RYR3: variants seen among roughly 807,000 people sequenced by gnomAD.
RYR3 encodes the protein brain ryanodine receptor-calcium release channel.
RYR3 carries 207 observed loss-of-function variants against 584.3 expected under a neutral mutation model. The observed-to-expected ratio is 0.35, with a 90% CI of 0.32 to 0.40. RYR3 has a LOEUF of 0.40. RYR3 is among the 10% of genes least tolerant of loss of function. The pLI, the probability that RYR3 is intolerant of heterozygous loss-of-function variation, is 1.00. For synonymous variants in RYR3, 2,416 were observed against 2,248.5 expected, an observed-to-expected ratio of 1.07 and a Z score of -2.11; for missense variants, 5,616 against 6,089.2, an observed-to-expected ratio of 0.92 and a Z score of 2.59.
chr15:33,842,008 G>A lies in RYR3; in HGVS notation c.13182G>A (p.Gly4394=). 1 of 1,602,714 alleles carries A rather than the reference G, an allele frequency of 6.2e-7. No individual in the cohort carries two copies. Among genetic ancestry groups the A allele is most frequent in the African/African-American group, 1.3e-5 (1 of 74,888 alleles). Residue 4394 remains glycine (G), a synonymous_variant, in exon 91 of 104, where the codon GGG becomes GGA. Transcript: ENST00000634891. ...CTTTCACAGCCAATTTCTTTAAAGG[G>A]CTGGAAATCTATCAGACCAAGTTAC... is the stretch of plus-strand genomic sequence containing the variant. ...PEAFTANFFK[G]LEIYQTKLLH...
intron 36 of RYR3, among the ~76,000 whole-genome samples, chr15:33,664,155 G>A (rs2063328719): frequency 2.0e-5 from 3 of 152,126 alleles, no homozygotes; most frequent in Admixed American, 2.0e-4. Flanking sequence ...ATGAGAGTTG[G>A]CACACAGTCT....
chr15:33,646,322 G>A lies in RYR3; in HGVS notation c.3766-29G>A, dbSNP rs371226188. On this transcript the variant is annotated intron_variant, in intron 28 of 103. Transcript: ENST00000634891. The stretch of plus-strand genomic sequence containing the variant: ...GGGTCAAGGTCAGGCCCTTTGGTAT[G>A]TCAAGGTAAGGACTCGTCCTGTTTC... 3.8e-6 allele frequency: 6 copies of A among 1,564,698 alleles called. No homozygotes were observed. In the African/African-American group the frequency reaches 4.1e-5, roughly 11 times the overall value.
chr15:33,338,607 G>A (rs1158839685), intron 1 of RYR3, among the ~76,000 whole-genome samples: 1 of 152,146 alleles, frequency 6.6e-6, no homozygotes, highest in Non-Finnish European at 1.5e-5. Context: ...ATATGGGGGA[G>A]GCATGTAGCT....
chr15:33,339,543 CAA>C, intron 1 of RYR3, among the ~76,000 whole-genome samples: 1 of 152,200 alleles, frequency 6.6e-6, no homozygotes, highest in East Asian at 1.9e-4. Context: ...CACAAAAAGC[CAA>C]AGATAGCCTC....
At chr15:33,314,432 G>A (rs1353796491) in intron 1 of RYR3, among the ~76,000 whole-genome samples, 1 of 152,206 alleles carries the variant, frequency 6.6e-6, no homozygotes, top group Non-Finnish European at 1.5e-5. Context: ...GACAGTCGGT[G>A]GAGCAGCTGG....
chr15:33,744,841 C>G (rs1203659147), intron 52 of RYR3, among the ~76,000 whole-genome samples: 1 of 152,146 alleles, frequency 6.6e-6, no homozygotes, highest in African/African-American at 2.4e-5. Flanking sequence ...TTTAGGTTTA[C>G]AGGTCATTTG....
chr15:33,579,987 G>C lies in RYR3; in HGVS notation c.1280G>C (p.Arg427Pro), dbSNP rs765542021. 6.2e-7 allele frequency: 1 copy of C among 1,607,916 alleles called. No homozygotes were observed. The highest frequency in any genetic ancestry group is 2.2e-5 in the East Asian group (1 of 44,636). ...LFSQFVSGNN[R>P]TAAPITLPIE... The stretch of plus-strand genomic sequence containing the variant: ...CTCATGGTTTTTAGCGGAAACAATC[G>C]CACAGCTGCCCCCATCACCCTGCCT... Residue 427 changes from arginine to proline, a missense_variant, in exon 13 of 104, where the codon CGC becomes CCC. Arg to Pro is a moderately radical substitution (Grantham distance 103, BLOSUM62 -2). Coordinates refer to ENST00000634891, the MANE Select transcript of RYR3 (RefSeq NM_001036.6).
At chr15:33,561,475 T>G (rs2057395202) in intron 10 of RYR3, among the ~76,000 whole-genome samples, 1 of 152,176 alleles carries the variant, frequency 6.6e-6, no homozygotes, top group South Asian at 2.1e-4. Flanking sequence ...TTTACCTCCT[T>G]CATTTTCTCC....
chr15:33,686,803 A>G (rs1279436323), intron 38 of RYR3, among the ~76,000 whole-genome samples: 1 of 152,252 alleles, frequency 6.6e-6, no homozygotes, highest in Non-Finnish European at 1.5e-5. Flanking sequence ...TCACATAAAC[A>G]GAACCAAAGA....
At chr15:33,726,068 A>C (rs527751632) in intron 45 of RYR3, among the ~76,000 whole-genome samples, 28 of 150,440 alleles carry the variant, frequency 1.9e-4, no homozygotes, top group African/African-American at 6.1e-4. Flanking sequence ...CACTTCCGGC[A>C]GTGCAGTCAC....
At chr15:33,486,558 C>T (rs943634257) in intron 2 of RYR3, among the ~76,000 whole-genome samples, 4 of 152,052 alleles carry the variant, frequency 2.6e-5, no homozygotes, top group Admixed American at 6.6e-5. Context: ...GACACAAAAC[C>T]ATATATCAGT....
At position 33,776,989 on chromosome 15, in the gene RYR3, G is replaced by C. The variant is rs1015162101; in HGVS notation, c.9138-3222G>C. Among the ~76,000 whole-genome samples, 4 of 152,324 alleles carry C rather than the reference G, an allele frequency of 2.6e-5. No homozygotes were observed. The South Asian group carries it at 6.2e-4, about 24-fold the overall frequency. Reference sequence around the variant, plus strand: ...TATGAGGCAGTGAGAACCGAGACCAGACGAGCCTGGGCAACCTGGCAAGAC... The same window carrying C: ...TATGAGGCAGTGAGAACCGAGACCACACGAGCCTGGGCAACCTGGCAAGAC... On this transcript the variant is annotated intron_variant, in intron 64 of 103. Coordinates refer to ENST00000634891, the MANE Select transcript of RYR3 (RefSeq NM_001036.6).
chr15:33,687,150 T>C (rs1596156261), intron 38 of RYR3, among the ~76,000 whole-genome samples: 1 of 152,328 alleles, frequency 6.6e-6, no homozygotes, highest in East Asian at 1.9e-4. Flanking sequence ...AATGACATGA[T>C]TGTATATTTA....
chr15:33,598,342 G>A (rs2059488669), intron 16 of RYR3, among the ~76,000 whole-genome samples: 1 of 151,308 alleles, frequency 6.6e-6, no homozygotes, highest in Admixed American at 6.6e-5. Flanking sequence ...ACACTTGGAT[G>A]TTAGCCTTTT....
At chr15:33,842,890 G>A (rs2078462968) in intron 91 of RYR3, among the ~76,000 whole-genome samples, 1 of 152,144 alleles carries the variant, frequency 6.6e-6, no homozygotes, top group South Asian at 2.1e-4. Context: ...TGCTGGTGGC[G>A]TGTTTAGGCC....
intron 60 of RYR3, among the ~76,000 whole-genome samples, chr15:33,761,823 C>T (rs1443232313): frequency 1.3e-5 from 2 of 152,144 alleles, no homozygotes; most frequent in African/African-American, 4.8e-5. Flanking sequence ...AATTTCAGGC[C>T]AATATTCCTG....
intron 1 of RYR3, among the ~76,000 whole-genome samples, chr15:33,376,982 A>T (rs778238566): frequency 6.6e-6 from 1 of 152,066 alleles, no homozygotes; most frequent in African/African-American, 2.4e-5. Context: ...TGATCTATTG[A>T]TCTATCCTTA....
At chr15:33,589,698 G>A (rs1291882094) in intron 16 of RYR3, among the ~76,000 whole-genome samples, 1 of 152,174 alleles carries the variant, frequency 6.6e-6, no homozygotes, top group Non-Finnish European at 1.5e-5. Flanking sequence ...AAAGTTGCCA[G>A]CACTGTTTGT....
chr15:33,786,708 G>A (rs2152910152), intron 66 of RYR3, among the ~76,000 whole-genome samples: 1 of 152,286 alleles, frequency 6.6e-6, no homozygotes, highest in East Asian at 1.9e-4. Flanking sequence ...GCTTTTGATG[G>A]ACCTATGATT....
Sources: allele counts gnomAD v4.1 joint callset (sites outside exome capture counted in the v4.1 genomes callset), GRCh38; gene constraint gnomAD v4.1.1; transcripts MANE v1.5; gene names NCBI Gene and HGNC (gene_info 2026-07-23, HGNC 2026-07-21).